TCF12: variants seen among roughly 807,000 people sequenced by gnomAD.
TCF12 encodes the protein transcription factor 12.
Under a neutral mutation model 86.0 loss-of-function variants are expected in TCF12, and 45 were observed. That is an observed-to-expected ratio of 0.52 (90% CI 0.41 to 0.67). The LOEUF is 0.67. TCF12 is among the 30% of genes least tolerant of loss of function. The probability of loss-of-function intolerance (pLI) is 0.00; values close to 1 mark genes in which losing one functional copy is unlikely to be tolerated. For synonymous variants in TCF12, 330 were observed against 299.6 expected (o/e 1.10, Z -1.05); for missense variants, 881 against 859.9 (o/e 1.02, Z -0.31).
intron 5 of TCF12, among the ~76,000 whole-genome samples, chr15:57,093,864 C>T (rs1360538501): frequency 6.6e-6 from 1 of 152,094 alleles, no homozygotes; most frequent in Non-Finnish European, 1.5e-5. Flanking sequence ...TTCATGTGAA[C>T]TACGTTGTTT....
chr15:57,283,273 T>C (rs1014727090), intron 20 of TCF12, among the ~76,000 whole-genome samples: 32 of 152,014 alleles, frequency 2.1e-4, no homozygotes, highest in African/African-American at 5.6e-4. Context: ...TTTTTTTTTT[T>C]CCTCAAGACA....
At chr15:57,015,577 G>T (rs552816885) in intron 3 of TCF12, among the ~76,000 whole-genome samples, 2 of 152,308 alleles carry the variant, frequency 1.3e-5, no homozygotes, top group South Asian at 4.1e-4. Flanking sequence ...GCTGAGTTTA[G>T]AAGTAGGGCA....
intron 3 of TCF12, among the ~76,000 whole-genome samples, chr15:57,061,030 C>G (rs2068421970): frequency 6.6e-6 from 1 of 152,160 alleles, no homozygotes; most frequent in African/African-American, 2.4e-5. Context: ...TAGCCAGATT[C>G]TTGTTATTCT....
intron 4 of TCF12, among the ~76,000 whole-genome samples, 192 bp downstream of exon 4, chr15:57,064,015 A>G (rs2068658320): frequency 6.6e-6 from 1 of 152,222 alleles, no homozygotes; most frequent in Admixed American, 6.5e-5. Context: ...AATTTCCTAC[A>G]GTTAAATATT....
intron 4 of TCF12, among the ~76,000 whole-genome samples, chr15:57,079,594 C>G (rs1028902494): frequency 2.6e-5 from 4 of 152,130 alleles, no homozygotes; most frequent in African/African-American, 9.7e-5. Context: ...ACCACAAAAT[C>G]CCTCCGCTGT....
chr15:56,945,176 T>C (rs1000861244), intron 3 of TCF12, among the ~76,000 whole-genome samples: 1 of 152,210 alleles, frequency 6.6e-6, no homozygotes, highest in African/African-American at 2.4e-5. Context: ...TATTGACTTA[T>C]TGGTATGAAA....
chr15:57,106,635 A>G (rs1466818826), intron 5 of TCF12, among the ~76,000 whole-genome samples: 1 of 152,236 alleles, frequency 6.6e-6, no homozygotes, highest in Non-Finnish European at 1.5e-5. Flanking sequence ...AAGACAGGCC[A>G]CAGAATGGGA....
At chr15:57,203,929 T>C (rs1454661397) in intron 8 of TCF12, among the ~76,000 whole-genome samples, 1 of 152,088 alleles carries the variant, frequency 6.6e-6, no homozygotes, top group Non-Finnish European at 1.5e-5. Flanking sequence ...AGTGGGAGGA[T>C]CACTTGAGCC....
intron 5 of TCF12, among the ~76,000 whole-genome samples, chr15:57,158,046 A>T (rs1400081357): frequency 6.6e-6 from 1 of 152,106 alleles, no homozygotes; most frequent in Non-Finnish European, 1.5e-5. Flanking sequence ...AAACCTTCTC[A>T]TCCTCACCTA....
chr15:57,133,167 C>T (rs2151359450), intron 5 of TCF12, among the ~76,000 whole-genome samples: 1 of 152,244 alleles, frequency 6.6e-6, no homozygotes, highest in East Asian at 1.9e-4. Flanking sequence ...GCCTTGCATG[C>T]CAACTTTGAT....
At chr15:56,963,710 A>G (rs2061878172) in intron 3 of TCF12, among the ~76,000 whole-genome samples, 1 of 152,190 alleles carries the variant, frequency 6.6e-6, no homozygotes, top group Non-Finnish European at 1.5e-5. Context: ...GGATGCACCT[A>G]CTTATTTTTA....
intron 3 of TCF12, among the ~76,000 whole-genome samples, chr15:56,933,044 T>C (rs1157718920): frequency 6.6e-6 from 1 of 152,206 alleles, no homozygotes; most frequent in Non-Finnish European, 1.5e-5. Flanking sequence ...GGGAAGAATA[T>C]GAAATTTGAT....
intron 3 of TCF12, among the ~76,000 whole-genome samples, chr15:56,954,413 A>T (rs2061414529): frequency 6.6e-6 from 1 of 152,182 alleles, no homozygotes; most frequent in Non-Finnish European, 1.5e-5. Context: ...CTTGTCCAAA[A>T]ATTAATTCAA....
chr15:57,167,805 T>G (rs2055012767), intron 6 of TCF12, among the ~76,000 whole-genome samples: 1 of 152,158 alleles, frequency 6.6e-6, no homozygotes, highest in African/African-American at 2.4e-5. Context: ...TTCATCCAAG[T>G]GATTTTTTAA....
intron 12 of TCF12, among the ~76,000 whole-genome samples, chr15:57,235,773 T>A (rs1316875733): frequency 6.6e-6 from 1 of 152,186 alleles, no homozygotes; most frequent in African/African-American, 2.4e-5. Flanking sequence ...TAACCTGCAT[T>A]TTGGGGGCTT....
intron 5 of TCF12, among the ~76,000 whole-genome samples, chr15:57,143,845 A>T (rs1405236600): frequency 6.6e-6 from 1 of 152,170 alleles, no homozygotes; most frequent in Non-Finnish European, 1.5e-5. Flanking sequence ...TTAGGATAAT[A>T]GATTGGAGAT....
chr15:56,967,336 A>G (rs1306378630), intron 3 of TCF12, among the ~76,000 whole-genome samples: 2 of 151,626 alleles, frequency 1.3e-5, no homozygotes, highest in African/African-American at 2.4e-5. Flanking sequence ...TGGGATTTTG[A>G]TTATTGAGAA....
chr15:57,225,784 GAGAA>G (rs2058844545), intron 8 of TCF12, among the ~76,000 whole-genome samples: 1 of 151,976 alleles, frequency 6.6e-6, no homozygotes, highest in South Asian at 2.1e-4. Context: ...CCATAAAATT[GAGAA>G]AGAGACATGG....
intron 4 of TCF12, among the ~76,000 whole-genome samples, chr15:57,075,838 T>TCTC (rs1567371439): frequency 5.8e-5 from 3 of 51,948 alleles, no homozygotes; most frequent in African/African-American, 1.3e-4. Context: ...CTCTCTCTTT[T>TCTC]CTTTCTTTCT....
Sources: allele counts gnomAD v4.1 joint callset (sites outside exome capture counted in the v4.1 genomes callset), GRCh38; gene constraint gnomAD v4.1.1; transcripts MANE v1.5; gene names NCBI Gene and HGNC (gene_info 2026-07-23, HGNC 2026-07-21).